SLC14A2: variants seen among roughly 807,000 people sequenced by gnomAD.
SLC14A2 encodes the protein solute carrier family 14 member 2.
SLC14A2 carries 91 observed loss-of-function variants against 104.6 expected under a neutral mutation model. The observed-to-expected ratio is 0.87, with a 90% CI of 0.73 to 1.04. The LOEUF (loss-of-function observed/expected upper bound fraction) is 1.04, where lower values mean the gene tolerates loss of function less well. Ranked by LOEUF, SLC14A2 falls within the 50% of genes least tolerant of loss-of-function variation. SLC14A2 has a pLI of 0.00. For synonymous variants in SLC14A2, 476 were observed against 466.4 expected (o/e 1.02, Z -0.27); for missense variants, 1,189 against 1,156.0 (o/e 1.03, Z -0.41).
chr18:45,304,771 A>G (rs1462331245), intron 1 of SLC14A2, among the ~76,000 whole-genome samples: 1 of 152,230 alleles, frequency 6.6e-6, no homozygotes, highest in Middle Eastern at 3.2e-3. Context: ...GATAACAGTC[A>G]GGATATAGCC....
chr18:45,409,941 C>T (rs181426215), intron 1 of SLC14A2, among the ~76,000 whole-genome samples: 12 of 152,044 alleles, frequency 7.9e-5, no homozygotes, highest in East Asian at 3.9e-4. Context: ...TACAATTCAC[C>T]GTAATGTAGA....
chr18:45,409,515 A>G (rs568406672), intron 1 of SLC14A2, among the ~76,000 whole-genome samples: 1 of 152,344 alleles, frequency 6.6e-6, no homozygotes, highest in African/African-American at 2.4e-5. Flanking sequence ...TCCCCAAAGT[A>G]TTATTAAACC....
chr18:45,292,218 G>A (rs186643444), intron 1 of SLC14A2, among the ~76,000 whole-genome samples: 334 of 152,256 alleles, frequency 2.2e-3, no homozygotes, highest in Admixed American at 6.6e-3. Context: ...AAGTCACATT[G>A]ATATGCTAAT....
At chr18:45,569,672 C>T (rs1478785422) in intron 2 of SLC14A2, among the ~76,000 whole-genome samples, 1 of 152,218 alleles carries the variant, frequency 6.6e-6, no homozygotes, top group Non-Finnish European at 1.5e-5. Context: ...ACCTGATTTA[C>T]TACCAAATGC....
intron 6 of SLC14A2, 76 bp downstream of exon 6, chr18:45,637,258 A>G: frequency 1.7e-6 from 2 of 1,206,840 alleles, no homozygotes; most frequent in South Asian, 2.8e-5. Flanking sequence ...TTTGTGGACT[A>G]TCCATGCTCT....
At chr18:45,639,693 G>T in intron 6 of SLC14A2, 53 bp from the exon 7 acceptor site, 1 of 1,592,870 alleles carries the variant, frequency 6.3e-7, no homozygotes, top group Non-Finnish European at 8.6e-7. Flanking sequence ...CCTGAGTCTG[G>T]TTTTTGCATT....
At chr18:45,453,411 G>A (rs1258434217) in intron 1 of SLC14A2, among the ~76,000 whole-genome samples, 1 of 151,926 alleles carries the variant, frequency 6.6e-6, no homozygotes, top group Non-Finnish European at 1.5e-5. Context: ...CAGCTTCCAG[G>A]GCATTTTTAA....
chr18:45,450,487 T>C (rs980247086), intron 1 of SLC14A2, among the ~76,000 whole-genome samples: 1 of 152,154 alleles, frequency 6.6e-6, no homozygotes, highest in Non-Finnish European at 1.5e-5. Context: ...TTTGACATAA[T>C]TCCCCTTGGC....
chr18:45,606,062 C>T (rs2044861304), intron 2 of SLC14A2, among the ~76,000 whole-genome samples: 1 of 152,136 alleles, frequency 6.6e-6, no homozygotes, highest in Non-Finnish European at 1.5e-5. Context: ...ACCCATCCAG[C>T]TGGAGGCGGG....
At chr18:45,276,556 G>A (rs1285856270) in intron 1 of SLC14A2, among the ~76,000 whole-genome samples, 2 of 152,170 alleles carry the variant, frequency 1.3e-5, no homozygotes, top group African/African-American at 4.8e-5. Flanking sequence ...ATTGATATCT[G>A]ATAGAAAAAG....
intron 2 of SLC14A2, among the ~76,000 whole-genome samples, chr18:45,587,503 C>T (rs1390407281): frequency 6.6e-6 from 1 of 152,134 alleles, no homozygotes; most frequent in East Asian, 1.9e-4. Context: ...GGTAGTTTCC[C>T]AGGAGGCAAG....
chr18:45,487,326 G>T (rs1445576108), intron 2 of SLC14A2, among the ~76,000 whole-genome samples: 1 of 152,158 alleles, frequency 6.6e-6, no homozygotes, highest in Non-Finnish European at 1.5e-5. Flanking sequence ...ACTTTTAAGG[G>T]CTCATATGAT....
intron 1 of SLC14A2, among the ~76,000 whole-genome samples, chr18:45,407,000 T>C (rs931735637): frequency 6.6e-6 from 1 of 152,184 alleles, no homozygotes. Flanking sequence ...AAATGAGCAT[T>C]GGCTTCCATT....
intron 1 of SLC14A2, among the ~76,000 whole-genome samples, chr18:45,340,605 C>A (rs2085384152): frequency 6.6e-6 from 1 of 152,180 alleles, no homozygotes; most frequent in Non-Finnish European, 1.5e-5. Flanking sequence ...GATCCTAAAG[C>A]AAGTTAATGG....
intron 1 of SLC14A2, chr18:45,423,943 C>T (rs1007382556): frequency 6.6e-6 from 1 of 152,164 alleles, no homozygotes; most frequent in Non-Finnish European, 1.5e-5. Context: ...GTTTTCATTC[C>T]TTATTCATCT....
chr18:45,664,159 C>T (rs1210074819), intron 11 of SLC14A2, among the ~76,000 whole-genome samples: 2 of 152,192 alleles, frequency 1.3e-5, no homozygotes, highest in East Asian at 3.9e-4. Context: ...ATTGGAATCA[C>T]CTGCATCCCA....
intron 2 of SLC14A2, among the ~76,000 whole-genome samples, chr18:45,514,456 G>A (rs2043409802): frequency 6.6e-6 from 1 of 152,090 alleles, no homozygotes; most frequent in Admixed American, 6.6e-5. Flanking sequence ...CCAACATTGG[G>A]AATTATAATT....
intron 1 of SLC14A2, among the ~76,000 whole-genome samples, chr18:45,346,342 A>G (rs1164910624): frequency 1.3e-5 from 2 of 152,152 alleles, no homozygotes; most frequent in Admixed American, 6.5e-5. Context: ...TTTTTAGTAG[A>G]GACAGGGTTT....
At chr18:45,374,363 A>G (rs2085752469) in intron 1 of SLC14A2, among the ~76,000 whole-genome samples, 1 of 152,204 alleles carries the variant, frequency 6.6e-6, no homozygotes, top group African/African-American at 2.4e-5. Flanking sequence ...TAATATCTCA[A>G]CTGTGATGTC....
Sources: allele counts gnomAD v4.1 joint callset (sites outside exome capture counted in the v4.1 genomes callset), GRCh38; gene constraint gnomAD v4.1.1; transcripts MANE v1.5; gene names NCBI Gene and HGNC (gene_info 2026-07-23, HGNC 2026-07-21).